Variants in RHCE observed in about 807,000 individuals in gnomAD.
The protein encoded by RHCE is Rh blood group CcEe antigens, also known as blood group Rh(CE) polypeptide.
Under a neutral mutation model 43.8 loss-of-function variants are expected in RHCE, and 22 were observed. That is an observed-to-expected ratio of 0.50 (90% CI 0.36 to 0.72). The LOEUF is 0.72. Among genes scored for constraint, RHCE ranks in the 30% least tolerant of loss-of-function variants. The pLI is 0.00. For missense variants in RHCE, 385 were observed against 525.4 expected (o/e 0.73, Z 2.61); for synonymous variants, 156 against 210.7 (o/e 0.74, Z 2.25).
intron 8 of RHCE, among the ~76,000 whole-genome samples, chr1:25,374,173 C>G (rs1340643156): frequency 6.6e-6 from 1 of 151,444 alleles, no homozygotes; most frequent in Non-Finnish European, 1.5e-5. Flanking sequence ...ACTGCAACCT[C>G]TGCCTCCCGG....
intron 8 of RHCE, among the ~76,000 whole-genome samples, chr1:25,370,915 ATTT>A (rs77875421): frequency 3.2e-5 from 4 of 124,768 alleles, no homozygotes; most frequent in African/African-American, 3.0e-5. Context: ...CATCCAGCTA[ATTT>A]TTTTTTTTTT....
At chr1:25,418,106 T>A (rs1403041114) in intron 1 of RHCE, among the ~76,000 whole-genome samples, 1 of 151,872 alleles carries the variant, frequency 6.6e-6, no homozygotes, top group Admixed American at 6.6e-5. Flanking sequence ...TCAGCTCAGC[T>A]ACCTCTACCT....
At chr1:25,401,703 C>G (rs1646748157) in intron 3 of RHCE, among the ~76,000 whole-genome samples, 1 of 152,190 alleles carries the variant, frequency 6.6e-6, no homozygotes, top group Non-Finnish European at 1.5e-5. Flanking sequence ...TGGTGAGGCT[C>G]TGAGAATTAA....
At chr1:25,422,113 G>A (rs887471662), upstream of RHCE, among the ~76,000 whole-genome samples, 6 of 152,138 alleles carry the variant, frequency 3.9e-5, no homozygotes, top group African/African-American at 1.4e-4. Flanking sequence ...ACCCAGAGAG[G>A]TCATACCTAA....
At chr1:25,389,283 A>T (rs1646282597) in intron 5 of RHCE, among the ~76,000 whole-genome samples, 170 bp from the exon 6 acceptor site, 1 of 151,936 alleles carries the variant, frequency 6.6e-6, no homozygotes, top group African/African-American at 2.4e-5. Flanking sequence ...TCATCAGTGG[A>T]CACGGTGGGC....
At chr1:25,418,932 G>A (rs1220029843) in intron 1 of RHCE, among the ~76,000 whole-genome samples, 1 of 152,198 alleles carries the variant, frequency 6.6e-6, no homozygotes, top group African/African-American at 2.4e-5. Flanking sequence ...CTACAGGGTT[G>A]GAATAGTGGC....
chr1:25,418,008 G>A (rs565947248), intron 1 of RHCE, among the ~76,000 whole-genome samples: 2 of 152,196 alleles, frequency 1.3e-5, no homozygotes, highest in African/African-American at 4.8e-5. Context: ...ACCACCCACT[G>A]CTTCCCTGTT....
chr1:25,384,452 A>C (rs1312340812), intron 7 of RHCE, among the ~76,000 whole-genome samples: 1 of 151,594 alleles, frequency 6.6e-6, no homozygotes, highest in African/African-American at 2.4e-5. Context: ...GGACCTTGCT[A>C]GGTCAAGTCC....
chr1:25,368,962 G>T (rs895113926), intron 9 of RHCE, among the ~76,000 whole-genome samples: 1 of 151,602 alleles, frequency 6.6e-6, no homozygotes, highest in Non-Finnish European at 1.5e-5. Context: ...GGTTTCACCG[G>T]GTTGCCCAGG....
chr1:25,374,738 G>C (rs971089490), intron 8 of RHCE, among the ~76,000 whole-genome samples: 1 of 62,630 alleles, frequency 1.6e-5, no homozygotes, highest in Non-Finnish European at 3.1e-5. Context: ...TGGGGTCTCT[G>C]CTTAAAAGCT....
chr1:25,412,712 T>TA, intron 1 of RHCE, among the ~76,000 whole-genome samples: 1 of 124,878 alleles, frequency 8.0e-6, no homozygotes, highest in South Asian at 2.4e-4. Context: ...GAGACCCTTT[T>TA]TTTAAAAAAA....
chr1:25,374,361 T>C (rs572891051), intron 8 of RHCE, among the ~76,000 whole-genome samples: 1 of 152,176 alleles, frequency 6.6e-6, no homozygotes, highest in East Asian at 1.9e-4. Flanking sequence ...CTGCTGCAAT[T>C]ACAGGTATGA....
intron 1 of RHCE, among the ~76,000 whole-genome samples, chr1:25,419,123 T>C (rs1397872247): frequency 6.6e-6 from 1 of 152,182 alleles, no homozygotes; most frequent in Admixed American, 6.5e-5. Flanking sequence ...AGTTTCCTCA[T>C]ATGAAAAACG....
intron 8 of RHCE, among the ~76,000 whole-genome samples, 189 bp downstream of exon 8, chr1:25,375,158 TCC>T (rs1284100490): frequency 2.6e-5 from 3 of 114,840 alleles, no homozygotes; most frequent in African/African-American, 1.0e-4. Context: ...CTCAGGGATG[TCC>T]CTTCCCTGCC....
At chr1:25,420,946 C>T (rs1343363938), upstream of RHCE, 14 of 1,444,614 alleles carry the variant, frequency 9.7e-6, no homozygotes, top group African/African-American at 1.1e-4. Flanking sequence ...GGAGTTAACA[C>T]GGAAGCAGAG....
rs966348295 is a variant in RHCE, at chr1:25,408,520, G to T, written c.335+163C>A. Among the ~76,000 whole-genome samples the T allele has an allele frequency of 5.7e-5, 7 of 123,048 alleles. 2 individuals are homozygous for T. The highest frequency in any genetic ancestry group is 1.8e-4 in the African/African-American group (7 of 39,726). 80.7% of individuals were successfully genotyped at this position (123,048 alleles called of 152,430 possible). On this transcript the variant is annotated intron_variant, in intron 2 of 9. Coordinates refer to ENST00000294413, the MANE Select transcript of RHCE (RefSeq NM_020485.8). Reference sequence around the variant, plus strand: ...AAATACAGGATGCCCAGTTAAATTTGAATTTTAAACAATGAATAATCTTTT... The same window carrying T: ...AAATACAGGATGCCCAGTTAAATTTTAATTTTAAACAATGAATAATCTTTT...
chr1:25,404,044 T>C (rs1256086842), intron 2 of RHCE, among the ~76,000 whole-genome samples: 1 of 150,098 alleles, frequency 6.7e-6, no homozygotes, highest in African/African-American at 2.5e-5. Flanking sequence ...GGTGCATGCT[T>C]GTAATCCCAG....
chr1:25,400,308 G>C (rs560147577), intron 3 of RHCE, among the ~76,000 whole-genome samples: 86 of 152,294 alleles, frequency 5.6e-4, no homozygotes, highest in Admixed American at 1.7e-3. Flanking sequence ...GCATGCCAAG[G>C]TCTCCTTGTC....
Position 25,385,717 on chromosome 1 carries a change from T to C in RHCE, c.1067A>G (p.Asn356Ser), listed in dbSNP as rs1261790466. 6.2e-7 allele frequency: 1 copy of C among 1,613,988 alleles called. No individual in the cohort carries two copies. Among genetic ancestry groups the C allele is most frequent in the Admixed American group, 1.7e-5 (1 of 60,002 alleles). The change falls in exon 7 of 10, where the codon AAT becomes AGT. Residue 356 changes from asparagine to serine, a missense_variant. Around this residue, in one of 6 missense-constraint regions of RHCE, gnomAD observed 82 missense variants for 69.2 expected, o/e 1.18. Transcript: ENST00000294413. ...GGTAAGCCCAGTGACCCACATGCCA[T>C]TGCCGTTCCAGACAGTATGAAGCAC... ...LLVLHTVWNGNGMIGFQVLLS... is the reference protein window; with the variant it reads ...LLVLHTVWNGSGMIGFQVLLS...
Sources: allele counts gnomAD v4.1 joint callset (sites outside exome capture counted in the v4.1 genomes callset), GRCh38; gene constraint gnomAD v4.1.1; regional missense constraint gnomAD v4.1.1; transcripts MANE v1.5; gene names NCBI Gene and HGNC (gene_info 2026-07-23, HGNC 2026-07-21).